The following CACNA1B variants were observed in gnomAD, a reference collection of about 807,000 sequenced individuals.
CACNA1B encodes the protein calcium voltage-gated channel subunit alpha1 B.
A neutral mutation model predicts 247.2 loss-of-function variants in CACNA1B; 70 were observed. The ratio of observed to expected loss-of-function variants is 0.28; its 90% confidence interval spans 0.23 to 0.35. The LOEUF (loss-of-function observed/expected upper bound fraction) is 0.35. Ranked by LOEUF, CACNA1B falls within the 10% of genes least tolerant of loss-of-function variation. CACNA1B has a pLI of 1.00. For missense variants in CACNA1B, 2,367 were observed against 3,197.4 expected, an observed-to-expected ratio of 0.74 and a Z score of 6.26; for synonymous variants, 1,231 against 1,294.4, an observed-to-expected ratio of 0.95 and a Z score of 1.05.
At chr9:138,110,430 A>T (rs1011779744) in intron 39 of CACNA1B, among the ~76,000 whole-genome samples, 4 of 152,098 alleles carry the variant, frequency 2.6e-5, no homozygotes, top group Admixed American at 6.6e-5. Flanking sequence ...AGATATTTTT[A>T]AAAATGAGGC....
chr9:138,017,344 C>T (rs57573984), intron 18 of CACNA1B: 7,326 of 429,024 alleles, frequency 0.017, 455 homozygotes, highest in African/African-American at 0.13. Flanking sequence ...GTGGCCTGAG[C>T]GGGGAATGGT....
chr9:138,073,388 T>G lies in CACNA1B; in HGVS notation c.4675-100T>G. The G allele has an allele frequency of 1.4e-6, 1 of 707,324 alleles. No homozygotes were observed. Among genetic ancestry groups the G allele is most frequent in the Non-Finnish European group, 2.6e-6 (1 of 390,480 alleles). The allele number at this position is 707,324 out of a possible 1,614,324, so 43.8% of individuals were successfully genotyped here. A position where few individuals can be genotyped will look rare whatever the true frequency, so the allele number is the denominator to read the frequency against. On this transcript the variant is annotated intron_variant, in intron 32 of 46. Coordinates refer to ENST00000371372, the MANE Select transcript of CACNA1B (RefSeq NM_000718.4). The surrounding 1 kb of genome is among the most constrained non-coding windows in gnomAD (Gnocchi z 6.4). ...TTTTAATCTTTTTAACCACTTTTCT[T>G]TGGGGCCACAGGGATGTGGGAAGAG...
Position 138,121,432 on chromosome 9 carries a change from T to A in CACNA1B, c.6490-37T>A. ...GTTGGTTCGGCTTTTTTTTTTTTTT[T>A]TTTACCTCTGATTTGTTCTGGTCCA... On this transcript the variant is annotated intron_variant, in intron 46 of 46. Transcript: ENST00000371372. The surrounding 1 kb of genome is among the most constrained non-coding windows in gnomAD (Gnocchi z 6.8). 3 of 1,410,650 alleles carry A rather than the reference T, an allele frequency of 2.1e-6. No homozygotes were observed. The highest frequency in any genetic ancestry group is 2.8e-6 in the Non-Finnish European group (3 of 1,063,702). 87.4% of individuals were successfully genotyped at this position (1,410,650 alleles called of 1,614,324 possible). A position where few individuals can be genotyped will look rare whatever the true frequency, so the allele number is the denominator to read the frequency against.
chr9:137,889,220 G>C (rs1272975900), intron 3 of CACNA1B, among the ~76,000 whole-genome samples: 1 of 150,414 alleles, frequency 6.6e-6, no homozygotes, highest in African/African-American at 2.4e-5. Flanking sequence ...GTGCTGTGAC[G>C]GAACTCTTCT....
intron 12 of CACNA1B, among the ~76,000 whole-genome samples, chr9:137,978,836 C>G (rs980931595): frequency 1.3e-5 from 2 of 152,078 alleles, no homozygotes; most frequent in Non-Finnish European, 1.5e-5. Context: ...TTTCTGGCCT[C>G]GGGGGTAGTG....
Position 138,012,678 on chromosome 9 carries a change from C to T in CACNA1B, c.2161-451C>T, listed in dbSNP as rs1207698676. Reference sequence around the variant, plus strand: ...GCAGTGAGCTGAGATTGAGCCACTGCCCTCCAGCTTGGGTGACAGAGCGAG... The same window carrying T: ...GCAGTGAGCTGAGATTGAGCCACTGTCCTCCAGCTTGGGTGACAGAGCGAG... On this transcript the variant is annotated intron_variant, in intron 17 of 46. Coordinates refer to ENST00000371372, the MANE Select transcript of CACNA1B (RefSeq NM_000718.4). The surrounding 1 kb of genome is among the most constrained non-coding windows in gnomAD (Gnocchi z 4.2). Among the ~76,000 whole-genome samples, 1 of 151,484 alleles carries T rather than the reference C, an allele frequency of 6.6e-6. No homozygotes were observed. The highest frequency in any genetic ancestry group is 1.5e-5 in the Non-Finnish European group (1 of 67,874).
chr9:138,042,846 G>A (rs748824205), intron 20 of CACNA1B, among the ~76,000 whole-genome samples: 1 of 152,120 alleles, frequency 6.6e-6, no homozygotes, highest in Non-Finnish European at 1.5e-5. Flanking sequence ...TCCACAGCGG[G>A]CTCTGGGGAT....
chr9:137,914,511 C>CTCTATCCTTT lies in CACNA1B; in HGVS notation c.623-142_623-133dup. On this transcript the variant is annotated intron_variant, in intron 4 of 46. Coordinates refer to ENST00000371372, the MANE Select transcript of CACNA1B (RefSeq NM_000718.4). The surrounding 1 kb of genome is among the most constrained non-coding windows in gnomAD (Gnocchi z 4.3). ...CCCTCTGCGCCTTAAGGGGCTTCAG[C>CTCTATCCTTT]TCTATCCTTTGCCCTTGCAAGCACT... 1.5e-6 allele frequency: 1 copy of CTCTATCCTTT among 663,994 alleles called. No individual in the cohort carries two copies. Among genetic ancestry groups the CTCTATCCTTT allele is most frequent in the Non-Finnish European group, 2.6e-6 (1 of 385,666 alleles). The allele number at this position is 663,994 out of a possible 1,614,324, so 41.1% of individuals were successfully genotyped here. A position where few individuals can be genotyped will look rare whatever the true frequency, so the allele number is the denominator to read the frequency against.
At chr9:137,961,082 G>A (rs926193235) in intron 10 of CACNA1B, among the ~76,000 whole-genome samples, 1 of 152,036 alleles carries the variant, frequency 6.6e-6, no homozygotes, top group African/African-American at 2.4e-5. Context: ...CGTTTATTAA[G>A]TAGGGTATTC....
chr9:138,049,169 C>A (rs774126165), intron 23 of CACNA1B, 40 bp from the exon 24 acceptor site: 6 of 1,350,982 alleles, frequency 4.4e-6, no homozygotes, highest in Non-Finnish European at 6.4e-6. Context: ...CCTGTCTTTT[C>A]TGGACTATGA....
intron 12 of CACNA1B, among the ~76,000 whole-genome samples, chr9:137,983,572 T>A (rs1222553652): frequency 1.3e-5 from 2 of 152,100 alleles, no homozygotes; most frequent in Non-Finnish European, 2.9e-5. Flanking sequence ...TGCCATAATC[T>A]GTTCTTGGTG....
intron 18 of CACNA1B, among the ~76,000 whole-genome samples, chr9:138,016,781 G>C (rs1446284858): frequency 6.6e-6 from 1 of 152,222 alleles, no homozygotes; most frequent in Admixed American, 6.5e-5. Context: ...GGTGCAGGGG[G>C]CTGTTTGGAA....
At chr9:137,939,314 C>G (rs59295721) in intron 6 of CACNA1B, among the ~76,000 whole-genome samples, 1 of 152,036 alleles carries the variant, frequency 6.6e-6, no homozygotes, top group Non-Finnish European at 1.5e-5. Context: ...TATAAATAGG[C>G]CACAAAATGA....
At chr9:138,112,593 G>T in intron 40 of CACNA1B, 88 bp downstream of exon 40, 1 of 904,700 alleles carries the variant, frequency 1.1e-6, no homozygotes, top group Non-Finnish European at 1.8e-6. Context: ...GAGGGTGAGG[G>T]ATGAAGGGCA....
chr9:137,926,070 T>C (rs1957547563), intron 6 of CACNA1B, among the ~76,000 whole-genome samples: 2 of 65,638 alleles, frequency 3.0e-5, no homozygotes, highest in Non-Finnish European at 4.9e-5. Flanking sequence ...TTTCCTTTCT[T>C]TTTTTTTTTT....
At chr9:137,906,058 T>C (rs1479880273) in intron 3 of CACNA1B, among the ~76,000 whole-genome samples, 1 of 152,168 alleles carries the variant, frequency 6.6e-6, no homozygotes, top group Non-Finnish European at 1.5e-5. Flanking sequence ...TGCAGTTAGG[T>C]TGTAATTTAT....
In CACNA1B at chr9:137,975,935, C is replaced by A; in HGVS notation, c.1572C>A (p.Leu524=). The A allele has an allele frequency of 6.2e-7, 1 of 1,613,338 alleles. No homozygotes were observed. Among genetic ancestry groups the A allele is most frequent in the Non-Finnish European group, 8.5e-7 (1 of 1,179,260 alleles). The change falls in exon 12 of 47, where the codon CTC becomes CTA. Residue 524 remains leucine (L), a synonymous_variant. Coordinates refer to ENST00000371372, the MANE Select transcript of CACNA1B (RefSeq NM_000718.4). ...LYFAEFVFLG[L]FLTEMSLKMY... is the part of the protein sequence containing the mutation. Reference sequence around the variant, plus strand: ...TTGCAGAGTTTGTTTTCCTGGGTCTCTTCCTCACAGAGATGTCCCTGAAGA... The same window carrying A: ...TTGCAGAGTTTGTTTTCCTGGGTCTATTCCTCACAGAGATGTCCCTGAAGA...
chr9:137,970,524 C>T (rs1158031010), intron 10 of CACNA1B, among the ~76,000 whole-genome samples: 1 of 152,154 alleles, frequency 6.6e-6, no homozygotes, highest in Non-Finnish European at 1.5e-5. Context: ...GGGAGTTGGG[C>T]ATGGAACAGG....
In CACNA1B at chr9:137,899,688, C is replaced by G. The variant is rs928897195; in HGVS notation, c.531-13492C>G. On this transcript the variant is annotated intron_variant, in intron 3 of 46. Coordinates refer to ENST00000371372, the MANE Select transcript of CACNA1B (RefSeq NM_000718.4). The surrounding 1 kb of genome is among the most constrained non-coding windows in gnomAD (Gnocchi z 5.0). The stretch of plus-strand genomic sequence containing the variant: ...CTGCAAGCAGGCTTCTGGGTGAGAA[C>G]CAGTGCCTGGAAGGTCAGTGACAAA... Among the ~76,000 whole-genome samples, 1 of 152,194 alleles carries G rather than the reference C, an allele frequency of 6.6e-6. No individual in the cohort carries two copies. The highest frequency in any genetic ancestry group is 1.5e-5 in the Non-Finnish European group (1 of 68,028).
Sources: gnomAD v4.1 joint callset for allele counts (sites outside exome capture counted in the v4.1 genomes callset) on GRCh38, gnomAD v4.1.1 for gene constraint, Gnocchi (gnomAD v3.1) non-coding constraint, MANE v1.5 for transcripts, NCBI Gene and HGNC (gene_info 2026-07-23, HGNC 2026-07-21) for gene names.